SPACA1: variants seen among roughly 807,000 people sequenced by gnomAD.
SPACA1 encodes the protein sperm acrosome associated 1, also known as sperm acrosome membrane-associated protein 1.
A neutral mutation model predicts 32.6 loss-of-function variants in SPACA1; 17 were observed. The ratio of observed to expected loss-of-function variants is 0.52; its 90% CI spans 0.36 to 0.78. SPACA1 has a LOEUF of 0.78. Among genes scored for constraint, SPACA1 ranks in the 30% least tolerant of loss-of-function variants. The pLI, the probability that SPACA1 is intolerant of heterozygous loss-of-function variation, is 0.01. For missense variants in SPACA1, 363 were observed against 373.4 expected (o/e 0.97, Z 0.23); for synonymous variants, 140 against 138.1 (o/e 1.01, Z -0.10).
intron 1 of SPACA1, among the ~76,000 whole-genome samples, chr6:88,048,426 A>G (rs1402465760): frequency 6.6e-6 from 1 of 152,000 alleles, no homozygotes; most frequent in Non-Finnish European, 1.5e-5. Flanking sequence ...AAGAGGAATC[A>G]TTTTGACTCC....
intron 5 of SPACA1, among the ~76,000 whole-genome samples, chr6:88,063,472 T>C (rs1775926873): frequency 6.6e-6 from 1 of 152,166 alleles, no homozygotes; most frequent in African/African-American, 2.4e-5. Context: ...TTTCAATTTA[T>C]ATGTAGTTCT....
At position 88,057,616 on chromosome 6, in the gene SPACA1, T is replaced by C. The variant is rs142673280; in HGVS notation, c.270T>C (p.Ile90=). The change falls in exon 3 of 7, where the codon ATT becomes ATC. Residue 90 remains isoleucine (I), a synonymous_variant. Coordinates refer to ENST00000237201, the MANE Select transcript of SPACA1 (RefSeq NM_030960.3). ...EFGMCTVTCG[I]GVREVILTNG... ...TTTTTAAATTTTAAACCAAAGGTAT[T>C]GGTGTTAGAGAAGTTATATTAACAA... 1.9e-5 allele frequency: 31 copies of C among 1,611,832 alleles called. 1 individual carries two copies. In the African/African-American group the frequency reaches 3.5e-4, roughly 18 times the overall value.
intron 2 of SPACA1, among the ~76,000 whole-genome samples, chr6:88,054,700 G>A (rs1775780378): frequency 6.6e-6 from 1 of 152,140 alleles, no homozygotes; most frequent in African/African-American, 2.4e-5. Flanking sequence ...ACAATTATCA[G>A]AGGATAAGAA....
intron 1 of SPACA1, among the ~76,000 whole-genome samples, chr6:88,049,577 A>C (rs569130681): frequency 6.6e-6 from 1 of 152,234 alleles, no homozygotes. Context: ...TCAGTGGATC[A>C]GTAGAAACAG....
intron 1 of SPACA1, among the ~76,000 whole-genome samples, chr6:88,051,717 C>T (rs542085418): frequency 5.3e-5 from 8 of 152,194 alleles, no homozygotes; most frequent in African/African-American, 1.7e-4. Context: ...GGCTTTTTAG[C>T]TGTATGTGAA....
intron 6 of SPACA1, 111 bp from the exon 7 acceptor site, chr6:88,066,071 T>C (rs1775979554): frequency 2.7e-6 from 2 of 741,246 alleles, no homozygotes; most frequent in Non-Finnish European, 4.1e-6. Context: ...TACATACAGG[T>C]AATACACACA....
chr6:88,048,184 T>C (rs1582265361), intron 1 of SPACA1, 71 bp downstream of exon 1: 2 of 1,425,154 alleles, frequency 1.4e-6, no homozygotes, highest in East Asian at 2.5e-5. Context: ...GCTCTTTGCC[T>C]GAGAACCATA....
rs1276122622 is a variant in SPACA1 at position 88,048,034 on chromosome 6, C to G, written c.129C>G (p.His43Gln). 1 of 1,601,334 alleles carries G rather than the reference C, an allele frequency of 6.2e-7. No homozygotes were observed. Among genetic ancestry groups the G allele is most frequent in the Non-Finnish European group, 8.5e-7 (1 of 1,175,586 alleles). ...TAAVQDAGLAHEGEGEEETEN... is the reference protein window; with the variant it reads ...TAAVQDAGLAQEGEGEEETEN... The stretch of plus-strand genomic sequence containing the variant: ...CCGTCCAGGATGCCGGCCTGGCCCA[C>G]GAAGGCGAGGGCGAGGAGGAGACCG... Residue 43 changes from histidine to glutamine, a missense_variant, in exon 1 of 7, where the codon CAC (histidine) becomes CAG (glutamine). Physicochemically the swap from His to Gln is conservative, Grantham distance 24 (BLOSUM62 0). Transcript: ENST00000237201.
intron 6 of SPACA1, among the ~76,000 whole-genome samples, 199 bp from the exon 7 acceptor site, chr6:88,065,983 T>A (rs1462368524): frequency 6.6e-6 from 1 of 151,932 alleles, no homozygotes; most frequent in Non-Finnish European, 1.5e-5. Flanking sequence ...GTAATATATA[T>A]ACAGGTACAA....
intron 2 of SPACA1, among the ~76,000 whole-genome samples, chr6:88,057,112 A>G (rs1775821454): frequency 6.6e-6 from 1 of 152,206 alleles, no homozygotes; most frequent in Admixed American, 6.5e-5. Context: ...CAAATCCACG[A>G]ATTTATGGAC....
At chr6:88,065,741 AT>A in intron 6 of SPACA1, among the ~76,000 whole-genome samples, 1 of 148,658 alleles carries the variant, frequency 6.7e-6, no homozygotes, top group South Asian at 2.1e-4. Context: ...CAGCCTTCCG[AT>A]TTTTTTTCCT....
chr6:88,050,644 T>C (rs1775714649), intron 1 of SPACA1, among the ~76,000 whole-genome samples: 1 of 152,252 alleles, frequency 6.6e-6, no homozygotes, highest in African/African-American at 2.4e-5. Context: ...ATGCAATATC[T>C]TGGGCAAAGC....
intron 2 of SPACA1, among the ~76,000 whole-genome samples, chr6:88,055,052 T>A (rs553100967): frequency 1.4e-3 from 219 of 152,182 alleles, no homozygotes; most frequent in African/African-American, 5.0e-3. Flanking sequence ...TTTTTTTTTT[T>A]AACCTTAATT....
rs567719578 is a variant in SPACA1 at position 88,063,681 on chromosome 6, G to T, written c.611-418G>T. Among the ~76,000 whole-genome samples, 4 of 152,204 alleles carry T rather than the reference G, an allele frequency of 2.6e-5. No homozygotes were observed. In the South Asian group the frequency reaches 8.3e-4, roughly 32 times the overall value. ...AAGCAAATGTACATTTAAGATCTTT[G>T]TGCAATTCTTTGTGTGAAAATTTTA... On this transcript the variant is annotated intron_variant, in intron 5 of 6. Coordinates refer to ENST00000237201, the MANE Select transcript of SPACA1 (RefSeq NM_030960.3).
rs987343714 is a variant in SPACA1 at position 88,066,031 on chromosome 6, G to T, written c.732-151G>T. ...GTTATATGTATTTGTATATGTACAG[G>T]TTATATATATTTGTACCATATATAA... On this transcript the variant is annotated intron_variant, in intron 6 of 6. Coordinates refer to ENST00000237201, the MANE Select transcript of SPACA1 (RefSeq NM_030960.3). 13 of 513,286 alleles carry T rather than the reference G, an allele frequency of 2.5e-5. No homozygotes were observed. The Admixed American group carries it at 2.9e-4, about 11-fold the overall frequency. 31.8% of individuals were successfully genotyped at this position (513,286 alleles called of 1,614,324 possible).
At chr6:88,053,016 A>G (rs950953110) in intron 1 of SPACA1, among the ~76,000 whole-genome samples, 3 of 152,260 alleles carry the variant, frequency 2.0e-5, no homozygotes, top group African/African-American at 4.8e-5. Context: ...TAAACAATTT[A>G]TAGAATGCTT....
In SPACA1 at chr6:88,066,307, A is replaced by G; in HGVS notation, c.857A>G (p.Asp286Gly). Residue 286 changes from aspartate (D) to glycine (G), a missense_variant, in exon 7 of 7, where the codon GAT (aspartate) becomes GGT (glycine). Physicochemically the swap from Asp to Gly is moderately conservative, Grantham distance 94. Transcript: ENST00000237201. ...DQLPTEMPGE[D>G]DALSEWNE is the part of the protein sequence containing the mutation. Reference sequence around the variant, plus strand: ...TTACCAACAGAAATGCCTGGTGAAGATGATGCTTTAAGTGAATGGAATGAA... The same window carrying G: ...TTACCAACAGAAATGCCTGGTGAAGGTGATGCTTTAAGTGAATGGAATGAA... The G allele has an allele frequency of 1.2e-6, 2 of 1,612,216 alleles. No homozygotes were observed. The highest frequency in any genetic ancestry group is 1.7e-5 in the Admixed American group (1 of 59,920).
chr6:88,049,119 T>A (rs1243676459), intron 1 of SPACA1, among the ~76,000 whole-genome samples: 1 of 152,212 alleles, frequency 6.6e-6, no homozygotes, highest in Non-Finnish European at 1.5e-5. Flanking sequence ...AACATTATAC[T>A]ACAGAGAGCT....
chr6:88,059,345 T>G (rs1775856691), intron 4 of SPACA1, 108 bp from the exon 5 acceptor site: 3 of 969,444 alleles, frequency 3.1e-6, no homozygotes, highest in Non-Finnish European at 4.4e-6. Context: ...ATTACTCAAC[T>G]AGGCTAAGAG....
Sources: allele counts gnomAD v4.1 joint callset (sites outside exome capture counted in the v4.1 genomes callset), GRCh38; gene constraint gnomAD v4.1.1; transcripts MANE v1.5; gene names NCBI Gene and HGNC (gene_info 2026-07-23, HGNC 2026-07-21).